APOBEC3G: variants seen among roughly 807,000 people sequenced by gnomAD.
The protein encoded by APOBEC3G is DNA dC->dU-editing enzyme APOBEC-3G.
A neutral mutation model predicts 50.0 loss-of-function variants in APOBEC3G; 44 were observed. The observed-to-expected ratio is 0.88, with a 90% CI of 0.69 to 1.13. The LOEUF (loss-of-function observed/expected upper bound fraction) is 1.13. APOBEC3G is among the 50% of genes most tolerant of loss of function. The pLI, the probability that APOBEC3G is intolerant of heterozygous loss-of-function variation, is 0.00. For synonymous variants in APOBEC3G, 156 were observed against 175.3 expected, an observed-to-expected ratio of 0.89 and a Z score of 0.87; for missense variants, 469 against 492.0, an observed-to-expected ratio of 0.95 and a Z score of 0.44.
rs781583591 is a variant in APOBEC3G at position 39,086,322 on chromosome 22, T to C, written c.779T>C (p.Leu260Pro). 3 of 1,612,364 alleles carry C rather than the reference T, an allele frequency of 1.9e-6. 1 individual carries two copies. The highest frequency in any genetic ancestry group is 2.2e-5 in the South Asian group (2 of 91,036). Residue 260 changes from leucine (L) to proline (P), a missense_variant, in exon 6 of 8, where the codon CTG becomes CCG. Physicochemically the swap from Leu to Pro is moderately conservative, Grantham distance 98 (BLOSUM62 -3). Transcript: ENST00000407997. The part of the protein sequence containing the change: ...HGFLEGRHAE[L>P]CFLDVIPFWK... The stretch of plus-strand genomic sequence containing the variant: ...TTCCTTGAAGGCCGCCATGCAGAGC[T>C]GTGCTTCCTGGACGTGATTCCCTTT...
At chr22:39,082,617 T>C (rs1401116411) in intron 4 of APOBEC3G, 1 of 152,200 alleles carries the variant, frequency 6.6e-6, no homozygotes, top group Non-Finnish European at 1.5e-5. Context: ...AAGCGAAACT[T>C]CTTCTCAAAC....
At position 39,087,670 on chromosome 22, in the gene APOBEC3G, A is replaced by G. The variant is rs1039782980; in HGVS notation, c.*249A>G. 1.5e-6 allele frequency: 1 copy of G among 689,646 alleles called. No individual in the cohort carries two copies. Among genetic ancestry groups the G allele is most frequent in the African/African-American group, 1.8e-5 (1 of 55,426 alleles). 42.7% of individuals were successfully genotyped at this position (689,646 alleles called of 1,614,324 possible). ...TGCTCAATACACAGAAAAGTTTCAA[A>G]CCTACTAATCCAGCGACAATTTGAA... On this transcript the variant is annotated 3_prime_UTR_variant, in exon 8 of 8. Transcript: ENST00000407997.
At chr22:39,078,264 G>GAA (rs367729930) in intron 1 of APOBEC3G, among the ~76,000 whole-genome samples, 3 of 146,728 alleles carry the variant, frequency 2.0e-5, no homozygotes, top group South Asian at 4.3e-4. Context: ...CGTCTTGAAA[G>GAA]AAAAAAAAAC....
At position 39,081,242 on chromosome 22, in the gene APOBEC3G, G is replaced by GTCATAA; in HGVS notation, c.466+16_466+17insCATAAT. 6.2e-7 allele frequency: 1 copy of GTCATAA among 1,612,052 alleles called. No homozygotes were observed. Among genetic ancestry groups the GTCATAA allele is most frequent in the Non-Finnish European group, 8.5e-7 (1 of 1,178,864 alleles). On this transcript the variant is annotated intron_variant, in intron 3 of 7. Transcript: ENST00000407997. ...GAATTATGACGGTGAGAAGTGGGAG[G>GTCATAA]TTCAGGGGTGTGGGAGAGACTGCTT...
At chr22:39,079,275 C>A in intron 2 of APOBEC3G, 190 bp downstream of exon 2, 1 of 801,910 alleles carries the variant, frequency 1.2e-6, no homozygotes, top group Non-Finnish European at 1.9e-6. Flanking sequence ...GGGTTTGCCT[C>A]TGCACAAAAG....
chr22:39,083,609 G>T (rs1293579115), intron 4 of APOBEC3G, 122 bp from the exon 5 acceptor site: 1 of 1,192,754 alleles, frequency 8.4e-7, no homozygotes. Flanking sequence ...GGTGCTAAGG[G>T]ATGTGGGGAG....
chr22:39,077,527 A>G, intron 1 of APOBEC3G, 149 bp downstream of exon 1: 2 of 1,407,226 alleles, frequency 1.4e-6, no homozygotes, highest in Admixed American at 2.0e-5. Flanking sequence ...ACTCCCAGCC[A>G]GGCTCCTTGC....
Position 39,087,440 on chromosome 22 carries a change from T to G in APOBEC3G, c.*19T>G. On this transcript the variant is annotated 3_prime_UTR_variant, in exon 8 of 8. Transcript: ENST00000407997. ...AAACTGAAGGATGGGCCTCAGTCTC[T>G]AAGGAAGGCAGAGACCTGGGTTGAG... The G allele has an allele frequency of 6.2e-7, 1 of 1,613,924 alleles. No individual in the cohort carries two copies. Among genetic ancestry groups the G allele is most frequent in the Non-Finnish European group, 8.5e-7 (1 of 1,179,872 alleles).
intron 2 of APOBEC3G, chr22:39,080,433 A>T (rs1337689901): frequency 1.7e-5 from 3 of 175,036 alleles, no homozygotes; most frequent in African/African-American, 7.2e-5. Flanking sequence ...GGACTCTGGG[A>T]AGTCCCCTGT....
chr22:39,081,446 C>G (rs1362855443), intron 3 of APOBEC3G, 25 bp from the exon 4 acceptor site: 17 of 1,607,464 alleles, frequency 1.1e-5, no homozygotes, highest in Non-Finnish European at 1.3e-5. Context: ...CTGGGCTTGA[C>G]TGCGTTCTCT....
intron 5 of APOBEC3G, among the ~76,000 whole-genome samples, chr22:39,084,318 G>A (rs1339150653): frequency 2.0e-5 from 3 of 152,168 alleles, no homozygotes; most frequent in Non-Finnish European, 4.4e-5. Context: ...ACAAGGTCAG[G>A]AGATCAAGAC....
At chr22:39,080,545 G>C (rs1928390130) in intron 2 of APOBEC3G, 1 of 211,168 alleles carries the variant, frequency 4.7e-6, no homozygotes, top group African/African-American at 2.3e-5. Context: ...AGTGGCCTGG[G>C]ATGTCGAGTC....
chr22:39,078,961 C>G lies in APOBEC3G; in HGVS notation c.47C>G (p.Thr16Arg). 1 of 1,614,092 alleles carries G rather than the reference C, an allele frequency of 6.2e-7. No homozygotes were observed. ...RNTVERMYRD[T>R]FSYNFYNRPI... The stretch of plus-strand genomic sequence containing the variant: ...ACAGTGGAGCGAATGTATCGAGACA[C>G]ATTCTCCTACAACTTTTATAATAGA... The change falls in exon 2 of 8, where the codon ACA becomes AGA. Residue 16 changes from threonine (T) to arginine (R), a missense_variant. Transcript: ENST00000407997.
chr22:39,080,582 G>A, intron 2 of APOBEC3G: 1 of 268,670 alleles, frequency 3.7e-6, no homozygotes, highest in Admixed American at 4.9e-5. Flanking sequence ...ATGGGGGCAA[G>A]AGGAAGCAGT....
In APOBEC3G at chr22:39,077,354, G is replaced by A. The variant is rs1367453054; in HGVS notation, c.-8G>A. ...ACAAAGATCTTAGTCGGGACTAGCC[G>A]GCCAAGGATGAAGCCTCACTTCAGG... On this transcript the variant is annotated 5_prime_UTR_variant, in exon 1 of 8. Transcript: ENST00000407997. 10 of 1,578,136 alleles carry A rather than the reference G, an allele frequency of 6.3e-6. No homozygotes were observed. Among genetic ancestry groups the A allele is most frequent in the South Asian group, 2.3e-5 (2 of 86,334 alleles).
At chr22:39,083,921 T>C (rs913418341) in intron 5 of APOBEC3G, 37 bp downstream of exon 5, 5 of 1,601,660 alleles carry the variant, frequency 3.1e-6, no homozygotes, top group Non-Finnish European at 4.3e-6. Flanking sequence ...GGCAGGGCCC[T>C]CCCAACCCAG....
intron 5 of APOBEC3G, 104 bp from the exon 6 acceptor site, chr22:39,086,175 A>G: frequency 1.5e-6 from 2 of 1,297,938 alleles, no homozygotes; most frequent in Non-Finnish European, 2.1e-6. Flanking sequence ...GTGGTGGTGC[A>G]TGCCTGTAAT....
At position 39,077,987 on chromosome 22, in the gene APOBEC3G, C is replaced by G. The variant is rs9607609; in HGVS notation, c.17+609C>G. Among the ~76,000 whole-genome samples the G allele has an allele frequency of 3.4e-3, 522 of 152,130 alleles. 1 individual carries two copies. The highest frequency in any genetic ancestry group is 0.012 in the African/African-American group (485 of 41,510). ...TAACATGGAATATAGTGGCCGGGTG[C>G]GGTGGCTCACACCTGTCATCCCAGC... On this transcript the variant is annotated intron_variant, in intron 1 of 7. Transcript: ENST00000407997.
At position 39,080,916 on chromosome 22, in the gene APOBEC3G, C is replaced by T; in HGVS notation, c.172-17C>T. 5 of 1,588,712 alleles carry T rather than the reference C, an allele frequency of 3.1e-6. No individual in the cohort carries two copies. In the South Asian group the frequency reaches 3.3e-5, roughly 11 times the overall value. On this transcript the variant is annotated splice_polypyrimidine_tract_variant and intron_variant, in intron 2 of 7. Coordinates refer to ENST00000407997, the MANE Select transcript of APOBEC3G (RefSeq NM_021822.4). ...CTCCCCCTCTCAGAGCTTGCCCTGA[C>T]CCTGCTCCTCTCCCAGGTGTATTCC... is the stretch of plus-strand genomic sequence containing the variant.
Sources: allele counts gnomAD v4.1 joint callset (sites outside exome capture counted in the v4.1 genomes callset), GRCh38; gene constraint gnomAD v4.1.1; transcripts MANE v1.5; gene names NCBI Gene and HGNC (gene_info 2026-07-23, HGNC 2026-07-21).